SYNPR: variants seen among roughly 807,000 people sequenced by gnomAD.
SYNPR encodes synaptoporin.
In SYNPR, 23 loss-of-function variants were observed where a neutral mutation model predicts 32.9. The ratio of observed to expected loss-of-function variants is 0.70; its 90% CI spans 0.50 to 0.99. The LOEUF (loss-of-function observed/expected upper bound fraction) is 0.99, where lower values mean the gene tolerates loss of function less well. Among genes scored for constraint, SYNPR ranks in the 50% least tolerant of loss-of-function variants. SYNPR has a pLI of 0.00. For missense variants in SYNPR, 318 were observed against 349.3 expected, an observed-to-expected ratio of 0.91 and a Z score of 0.71; for synonymous variants, 146 against 135.9, an observed-to-expected ratio of 1.07 and a Z score of -0.52.
At chr3:63,234,147 G>A (rs1268163426) in intron 1 of SYNPR, among the ~76,000 whole-genome samples, 1 of 152,136 alleles carries the variant, frequency 6.6e-6, no homozygotes, top group African/African-American at 2.4e-5. Context: ...AATCATGGTG[G>A]AAGGCAAGGA....
chr3:63,402,496 A>G (rs2088305824), intron 2 of SYNPR, among the ~76,000 whole-genome samples: 1 of 152,244 alleles, frequency 6.6e-6, no homozygotes, highest in African/African-American at 2.4e-5. Context: ...AGGATTCTGG[A>G]AACACTGTCC....
chr3:63,408,305 AAG>A, intron 2 of SYNPR, among the ~76,000 whole-genome samples: 12 of 111,822 alleles, frequency 1.1e-4, no homozygotes, highest in African/African-American at 4.9e-4. Context: ...GGAAGGAAGG[AAG>A]GAAGGAAGGA....
At chr3:63,406,750 G>T (rs766989364) in intron 2 of SYNPR, among the ~76,000 whole-genome samples, 1 of 152,120 alleles carries the variant, frequency 6.6e-6, no homozygotes, top group Non-Finnish European at 1.5e-5. Flanking sequence ...AACAGAAGAA[G>T]TCTCTTCTCT....
chr3:63,606,112 C>T (rs985369783), intron 4 of SYNPR, among the ~76,000 whole-genome samples: 1 of 152,172 alleles, frequency 6.6e-6, no homozygotes, highest in Non-Finnish European at 1.5e-5. Context: ...GAGAGGTAAA[C>T]TGAGGCCTCA....
At chr3:63,528,902 C>T (rs1350155270) in intron 3 of SYNPR, among the ~76,000 whole-genome samples, 1 of 152,112 alleles carries the variant, frequency 6.6e-6, no homozygotes, top group Non-Finnish European at 1.5e-5. Context: ...ATACTCCCTC[C>T]AATAATTTGA....
At chr3:63,476,277 GAGGGAAGGAAGGGA>G in intron 2 of SYNPR, among the ~76,000 whole-genome samples, 13 of 55,358 alleles carry the variant, frequency 2.3e-4, no homozygotes, top group Admixed American at 5.2e-4. Context: ...GGAAGGGAGG[GAGGGAAGGAAGGGA>G]AGGGAGGGAA....
chr3:63,537,278 C>A (rs1189829330), intron 3 of SYNPR, among the ~76,000 whole-genome samples: 1 of 152,104 alleles, frequency 6.6e-6, no homozygotes, highest in Non-Finnish European at 1.5e-5. Flanking sequence ...TGTCTACAAA[C>A]TTCTACCTAC....
At chr3:63,452,677 G>C (rs1700400306) in intron 2 of SYNPR, among the ~76,000 whole-genome samples, 1 of 132,636 alleles carries the variant, frequency 7.5e-6, no homozygotes, top group Non-Finnish European at 1.7e-5. Flanking sequence ...TTAAGAATGG[G>C]GAAAATGAGA....
intron 2 of SYNPR, among the ~76,000 whole-genome samples, chr3:63,313,182 T>C (rs761044484): frequency 3.9e-5 from 6 of 151,940 alleles, no homozygotes; most frequent in Non-Finnish European, 8.8e-5. Flanking sequence ...CTAACTCAAG[T>C]GGCCACTTCA....
chr3:63,487,046 C>T (rs141799357), intron 3 of SYNPR, among the ~76,000 whole-genome samples: 32 of 152,278 alleles, frequency 2.1e-4, no homozygotes, highest in African/African-American at 5.5e-4. Flanking sequence ...ATAAACCTTA[C>T]AACCTTTCTC....
intron 4 of SYNPR, among the ~76,000 whole-genome samples, chr3:63,592,998 G>A (rs1212224794): frequency 1.3e-5 from 2 of 151,906 alleles, no homozygotes; most frequent in East Asian, 1.9e-4. Context: ...ATTGAAATTC[G>A]ACCTCAGGAC....
intron 2 of SYNPR, among the ~76,000 whole-genome samples, chr3:63,364,293 G>A (rs2107039856): frequency 6.6e-6 from 1 of 152,242 alleles, no homozygotes; most frequent in African/African-American, 2.4e-5. Flanking sequence ...CTCAGATATT[G>A]GTGATGCTTT....
the SYNPR span, among the ~76,000 whole-genome samples, chr3:63,207,233 C>G: frequency 6.6e-6 from 1 of 152,202 alleles, no homozygotes; most frequent in Admixed American, 6.5e-5. Flanking sequence ...TGTTTACATT[C>G]AGTGACGTGT....
intron 1 of SYNPR, among the ~76,000 whole-genome samples, chr3:63,246,267 C>G (rs2086289493): frequency 6.6e-6 from 1 of 152,078 alleles, no homozygotes. Context: ...CCTTTTAAAT[C>G]AAACTCCCTG....
intron 2 of SYNPR, among the ~76,000 whole-genome samples, chr3:63,327,743 T>C (rs547305729): frequency 2.0e-5 from 3 of 152,096 alleles, no homozygotes; most frequent in African/African-American, 7.2e-5. Context: ...AAACACATTG[T>C]GGTATTAGAA....
At chr3:63,573,852 G>A (rs1044315327) in intron 4 of SYNPR, among the ~76,000 whole-genome samples, 14 of 152,088 alleles carry the variant, frequency 9.2e-5, no homozygotes, top group South Asian at 2.1e-4. Flanking sequence ...ACAGGATGCC[G>A]CCGCCAAATT....
At chr3:63,607,718 G>A (rs1211250490) in intron 4 of SYNPR, among the ~76,000 whole-genome samples, 2 of 152,176 alleles carry the variant, frequency 1.3e-5, no homozygotes, top group Non-Finnish European at 1.5e-5. Flanking sequence ...CCACTGGATG[G>A]AGTGACTTGC....
Position 63,615,689 on chromosome 3 carries a change from T to C in SYNPR, c.*208T>C. Reference sequence around the variant, plus strand: ...ACATGAGGAGATATATTATTCATCATAGATGGCTAATTGGAGAGTACCTTG... The same window carrying C: ...ACATGAGGAGATATATTATTCATCACAGATGGCTAATTGGAGAGTACCTTG... On this transcript the variant is annotated 3_prime_UTR_variant, in exon 6 of 6. Transcript: ENST00000478300. 1 of 591,524 alleles carries C rather than the reference T, an allele frequency of 1.7e-6. No individual in the cohort carries two copies. 36.6% of individuals were successfully genotyped at this position (591,524 alleles called of 1,614,324 possible).
intron 3 of SYNPR, among the ~76,000 whole-genome samples, chr3:63,502,502 T>C (rs906172731): frequency 2.0e-5 from 3 of 152,160 alleles, no homozygotes; most frequent in Non-Finnish European, 2.9e-5. Context: ...TATAGTACTA[T>C]ATGGAGTATT....
Sources: gnomAD v4.1 joint callset for allele counts (sites outside exome capture counted in the v4.1 genomes callset) on GRCh38, gnomAD v4.1.1 for gene constraint, MANE v1.5 for transcripts, NCBI Gene and HGNC (gene_info 2026-07-23, HGNC 2026-07-21) for gene names.